FBN3: variants seen among roughly 807,000 people sequenced by gnomAD.
The protein encoded by FBN3 is fibrillin-3.
Under a neutral mutation model 330.1 loss-of-function variants are expected in FBN3, and 234 were observed. The observed-to-expected ratio is 0.71, with a 90% CI of 0.64 to 0.79. The LOEUF (loss-of-function observed/expected upper bound fraction) is 0.79, where lower values mean the gene tolerates loss of function less well. Ranked by LOEUF, FBN3 falls within the 30% of genes least tolerant of loss-of-function variation. The pLI is 0.00. For missense variants in FBN3, 3,606 were observed against 3,886.9 expected (o/e 0.93, Z 1.92); for synonymous variants, 1,458 against 1,517.3 (o/e 0.96, Z 0.91).
chr19:8,135,936 G>GGGGGGGGGGGGGGGGGGGGGGCCCCC, intron 13 of FBN3, 25 bp downstream of exon 13: 2 of 668,776 alleles, frequency 3.0e-6, no homozygotes, highest in Non-Finnish European at 4.8e-6. Context: ...GGAAGCCCCT[G>GGGGGGGGGGGGGGGGGGGGGGCCCCC]CCCACCCGCC....
Position 8,086,961 on chromosome 19 carries a change from CT to C in FBN3, c.6754+115del, listed in dbSNP as rs544615283. 521 of 1,316,396 alleles carry C rather than the reference CT, an allele frequency of 4.0e-4. 4 individuals carry two copies. In the East Asian group the frequency reaches 0.014, roughly 35 times the overall value. The allele number at this position is 1,316,396 out of a possible 1,614,324, so 81.5% of individuals were successfully genotyped here. On this transcript the variant is annotated intron_variant, in intron 54 of 63. Transcript: ENST00000600128. ...GCTCAAGCGATCCTCTCGCCTCAGCCTCCCAAAGTGCTGGGATGACAGGTAT... is the reference window on the plus strand; with the variant it reads ...GCTCAAGCGATCCTCTCGCCTCAGCCCCCAAAGTGCTGGGATGACAGGTAT...
chr19:8,144,988 G>A lies in FBN3; in HGVS notation c.446-16C>T. On this transcript the variant is annotated splice_polypyrimidine_tract_variant and intron_variant, in intron 5 of 63. Transcript: ENST00000600128. ...TCACAGATGGCTGTGGAGGAGAGAG[G>A]GTGATGGCTGGAGGTCCCCCAGCAG... The A allele has an allele frequency of 6.3e-7, 1 of 1,598,422 alleles. No individual in the cohort carries two copies. Among genetic ancestry groups the A allele is most frequent in the East Asian group, 2.2e-5 (1 of 44,470 alleles).
chr19:8,105,892 G>A (rs2082425728), intron 38 of FBN3, among the ~76,000 whole-genome samples: 1 of 152,102 alleles, frequency 6.6e-6, no homozygotes, highest in Non-Finnish European at 1.5e-5. Flanking sequence ...CATTTTAAAG[G>A]GTCTATCTAC....
At position 8,136,414 on chromosome 19, in the gene FBN3, G is replaced by A. The variant is rs111701858; in HGVS notation, c.1319C>T (p.Thr440Ile). 8.8e-4 allele frequency: 1,418 copies of A among 1,614,150 alleles called. 14 individuals are homozygous for A. In the African/African-American group the frequency reaches 0.017, roughly 19 times the overall value. Residue 440 changes from threonine (T) to isoleucine (I), a missense_variant, in exon 11 of 64, where the codon ACC (threonine) becomes ATC (isoleucine). Transcript: ENST00000600128. Reference protein sequence around the residue: ...SYRCECNVGYTQDVRGECIDV... With the variant: ...SYRCECNVGYIQDVRGECIDV... ...AATGCACTCGCCGCGCACGTCCTGGGTGTAGCCCACGTTACACTCGCAGCG... is the reference window on the plus strand; with the variant it reads ...AATGCACTCGCCGCGCACGTCCTGGATGTAGCCCACGTTACACTCGCAGCG...
At chr19:8,102,442 G>A (rs1471442079) in intron 40 of FBN3, among the ~76,000 whole-genome samples, 1 of 151,920 alleles carries the variant, frequency 6.6e-6, no homozygotes, top group Non-Finnish European at 1.5e-5. Flanking sequence ...GTTTTCGAAT[G>A]CCTGACCTCA....
intron 30 of FBN3, among the ~76,000 whole-genome samples, chr19:8,112,541 T>A (rs1421434962): frequency 1.3e-5 from 2 of 152,062 alleles, no homozygotes; most frequent in African/African-American, 2.4e-5. Context: ...TCCCAGCTAC[T>A]CAGGACGCTG....
chr19:8,101,514 G>A (rs925329101), intron 40 of FBN3, among the ~76,000 whole-genome samples: 5 of 152,102 alleles, frequency 3.3e-5, no homozygotes, highest in African/African-American at 4.8e-5. Flanking sequence ...TGCCTAGAAC[G>A]CCTTCCCTCA....
chr19:8,141,936 T>C lies in FBN3; in HGVS notation c.739+4A>G. The stretch of plus-strand genomic sequence containing the variant: ...TCCCACTCAGCCCTGACCCCACTAT[T>C]CACCTTGGCAGGCCCCCGTGTGGAT... On this transcript the variant is annotated splice_donor_region_variant and intron_variant, in intron 7 of 63. Coordinates refer to ENST00000600128, the MANE Select transcript of FBN3 (RefSeq NM_032447.5). 6.2e-7 allele frequency: 1 copy of C among 1,614,124 alleles called. No homozygotes were observed. Among genetic ancestry groups the C allele is most frequent in the Non-Finnish European group, 8.5e-7 (1 of 1,179,980 alleles).
chr19:8,112,174 C>A, intron 30 of FBN3, 75 bp from the exon 31 acceptor site: 17 of 1,508,268 alleles, frequency 1.1e-5, no homozygotes, highest in Non-Finnish European at 1.5e-5. Flanking sequence ...GCGGAAAGGG[C>A]AGGGACTCTT....
intron 7 of FBN3, 36 bp downstream of exon 7, chr19:8,141,904 T>C: frequency 1.2e-6 from 2 of 1,612,796 alleles, no homozygotes; most frequent in Admixed American, 3.3e-5. Flanking sequence ...CCAAGGCAGC[T>C]AAGGCCTCCC....
At chr19:8,134,338 A>T (rs2083227878) in intron 13 of FBN3, among the ~76,000 whole-genome samples, 1 of 152,244 alleles carries the variant, frequency 6.6e-6, no homozygotes. Context: ...AACAGCAAAA[A>T]GTGAAAACGA....
chr19:8,081,210 G>T, intron 58 of FBN3, 91 bp from the exon 59 acceptor site: 1 of 1,486,184 alleles, frequency 6.7e-7, no homozygotes, highest in Non-Finnish European at 9.3e-7. Flanking sequence ...TCCAGGCAGA[G>T]GGGTGACAAG....
At chr19:8,116,093 T>C (rs1044601172) in intron 29 of FBN3, among the ~76,000 whole-genome samples, 2 of 152,162 alleles carry the variant, frequency 1.3e-5, no homozygotes. Flanking sequence ...TCCTATAAAC[T>C]GCAACTCTCT....
chr19:8,072,917 C>T (rs908421259), intron 62 of FBN3, 146 bp downstream of exon 62: 19 of 686,346 alleles, frequency 2.8e-5, no homozygotes, highest in Middle Eastern at 3.6e-4. Flanking sequence ...TGCCTGCATG[C>T]ACAGGCTGAA....
At chr19:8,118,226 T>C (rs970844519) in intron 26 of FBN3, among the ~76,000 whole-genome samples, 1 of 152,082 alleles carries the variant, frequency 6.6e-6, no homozygotes, top group African/African-American at 2.4e-5. Flanking sequence ...CACACCTCTA[T>C]AAACATGCAT....
rs530861137 is a variant in FBN3 at position 8,091,573 on chromosome 19, C to T, written c.5923G>A (p.Glu1975Lys). 2 of 1,614,046 alleles carry T rather than the reference C, an allele frequency of 1.2e-6. No individual in the cohort carries two copies. The highest frequency in any genetic ancestry group is 4.5e-5 in the East Asian group (2 of 44,866). ...CCAAAGAGGCAGAGGTTGGGCTCCT[C>T]TGAGCACTCGTCGATATCTGGAAGG... ...DHCIDIDECS[E>K]EPNLCLFGTC... The change falls in exon 48 of 64, where the codon GAG (glutamate) becomes AAG (lysine). Residue 1975 changes from glutamate (E) to lysine (K), a missense_variant. By Grantham distance (56) the Glu-to-Lys change is moderately conservative. Coordinates refer to ENST00000600128, the MANE Select transcript of FBN3 (RefSeq NM_032447.5).
chr19:8,112,644 C>T (rs1209333906), intron 30 of FBN3, among the ~76,000 whole-genome samples: 1 of 151,830 alleles, frequency 6.6e-6, no homozygotes, highest in East Asian at 1.9e-4. Flanking sequence ...AGTGAGACTC[C>T]GTCTCAAAAA....
At position 8,123,799 on chromosome 19, in the gene FBN3, G is replaced by C. The variant is rs773010174; in HGVS notation, c.2941C>G (p.Arg981Gly). 6 of 1,613,274 alleles carry C rather than the reference G, an allele frequency of 3.7e-6. No individual in the cohort carries two copies. Among genetic ancestry groups the C allele is most frequent in the Non-Finnish European group, 5.1e-6 (6 of 1,179,926 alleles). ...CCAACCGCACCTTTATAGAATGGTC[G>C]GCCAGACAGGAAGTCCCGGCTGGCG... ...GFASRDFLSG[R>G]PFYKDVNECK... The change falls in exon 23 of 64, where the codon CGA becomes GGA. Residue 981 changes from arginine to glycine, a missense_variant. Coordinates refer to ENST00000600128, the MANE Select transcript of FBN3 (RefSeq NM_032447.5).
At chr19:8,125,238 T>TATATATATATATATATATAG (rs2082949317) in intron 22 of FBN3, among the ~76,000 whole-genome samples, 1 of 151,886 alleles carries the variant, frequency 6.6e-6, no homozygotes, top group Admixed American at 6.6e-5. Context: ...TACAAAAATA[T>TATATATATATATATATATAG]ATATAGATAT....
Sources: allele counts gnomAD v4.1 joint callset (sites outside exome capture counted in the v4.1 genomes callset), GRCh38; gene constraint gnomAD v4.1.1; transcripts MANE v1.5; gene names NCBI Gene and HGNC (gene_info 2026-07-23, HGNC 2026-07-21).